ARHGAP15: variants seen among roughly 807,000 people sequenced by gnomAD.
The protein encoded by ARHGAP15 is rho GTPase-activating protein 15.
ARHGAP15 carries 51 observed loss-of-function variants against 63.7 expected under a neutral mutation model. That is an observed-to-expected ratio of 0.80 (90% CI 0.64 to 1.01). ARHGAP15 has a LOEUF of 1.01. Among genes scored for constraint, ARHGAP15 ranks in the 50% least tolerant of loss-of-function variants. The probability of loss-of-function intolerance (pLI) is 0.00; values close to 1 mark genes in which losing one functional copy is unlikely to be tolerated. For missense variants in ARHGAP15, 560 were observed against 564.6 expected (o/e 0.99, Z 0.08); for synonymous variants, 191 against 193.8 (o/e 0.99, Z 0.12).
chr2:143,148,233 AC>A lies in ARHGAP15; in HGVS notation c.-14-7242del, dbSNP rs769070302. ...TCATACAGCATCCAGGCCTCACATC[AC>A]CTCCACCCTAAAATCATCTCCAGTC... On this transcript the variant is annotated intron_variant, in intron 1 of 13. Transcript: ENST00000295095. Among the ~76,000 whole-genome samples the A allele has an allele frequency of 5.3e-5, 8 of 151,646 alleles. No individual in the cohort carries two copies. In the East Asian group the frequency reaches 1.6e-3, roughly 30 times the overall value.
intron 6 of ARHGAP15, among the ~76,000 whole-genome samples, chr2:143,333,580 C>A (rs772780211): frequency 1.3e-5 from 2 of 152,154 alleles, no homozygotes; most frequent in Non-Finnish European, 2.9e-5. Flanking sequence ...TTTGCTGAAA[C>A]TCAAAAGTAA....
intron 8 of ARHGAP15, among the ~76,000 whole-genome samples, chr2:143,461,901 G>C (rs1690960169): frequency 6.6e-6 from 1 of 152,158 alleles, no homozygotes; most frequent in South Asian, 2.1e-4. Context: ...TGCTGCTGTG[G>C]CTCATGCCTG....
chr2:143,453,470 G>GT (rs1690500483), intron 8 of ARHGAP15, among the ~76,000 whole-genome samples: 1 of 151,992 alleles, frequency 6.6e-6, no homozygotes, highest in African/African-American at 2.4e-5. Flanking sequence ...TTGGGAGAAT[G>GT]TAAGTACTCA....
intron 9 of ARHGAP15, among the ~76,000 whole-genome samples, chr2:143,497,229 C>T (rs1215158985): frequency 6.6e-6 from 1 of 152,116 alleles, no homozygotes; most frequent in Non-Finnish European, 1.5e-5. Flanking sequence ...CAACATTGCA[C>T]CAAAGTTGAT....
chr2:143,622,054 T>G (rs1698664797), intron 11 of ARHGAP15, among the ~76,000 whole-genome samples: 1 of 152,090 alleles, frequency 6.6e-6, no homozygotes, highest in Non-Finnish European at 1.5e-5. Flanking sequence ...CCACTTAAAG[T>G]TCAGTGCCAA....
chr2:143,167,388 G>A (rs1042350223), intron 2 of ARHGAP15, among the ~76,000 whole-genome samples: 2 of 152,064 alleles, frequency 1.3e-5, no homozygotes, highest in African/African-American at 4.8e-5. Context: ...AGACAAAATA[G>A]GCTCTACTGA....
intron 6 of ARHGAP15, among the ~76,000 whole-genome samples, chr2:143,328,695 G>T (rs1394029082): frequency 6.6e-6 from 1 of 152,098 alleles, no homozygotes; most frequent in Non-Finnish European, 1.5e-5. Flanking sequence ...TAACAAACCT[G>T]CACATTCTGC....
At chr2:143,262,561 C>CTTTTTTTTTTTTTTTTTTT (rs1553456078) in intron 6 of ARHGAP15, among the ~76,000 whole-genome samples, 17 of 70,704 alleles carry the variant, frequency 2.4e-4, no homozygotes, top group African/African-American at 7.3e-4. Context: ...TTTTTTTTTA[C>CTTTTTTTTTTTTTTTTTTT]TTTGTCACGC....
intron 12 of ARHGAP15, among the ~76,000 whole-genome samples, chr2:143,627,390 A>C (rs540987481): frequency 6.6e-6 from 1 of 152,280 alleles, no homozygotes; most frequent in South Asian, 2.1e-4. Context: ...TTGTGTTCTA[A>C]ACCTAGGAAA....
intron 9 of ARHGAP15, among the ~76,000 whole-genome samples, chr2:143,507,208 C>A (rs886644163): frequency 3.9e-5 from 6 of 152,074 alleles, no homozygotes; most frequent in African/African-American, 1.2e-4. Context: ...CTTCTTCATT[C>A]TCAATTAGTC....
chr2:143,553,642 T>C (rs930662082), intron 10 of ARHGAP15, among the ~76,000 whole-genome samples: 1 of 152,218 alleles, frequency 6.6e-6, no homozygotes, highest in African/African-American at 2.4e-5. Context: ...CTTTAAACAG[T>C]ATACTGCTTT....
At chr2:143,587,800 T>C (rs2105160944) in intron 11 of ARHGAP15, 1 of 467,384 alleles carries the variant, frequency 2.1e-6, no homozygotes, top group East Asian at 7.0e-5. Context: ...GCCAATAATT[T>C]GTCACTTCAT....
chr2:143,416,136 A>C (rs1388569270), intron 6 of ARHGAP15, among the ~76,000 whole-genome samples: 2 of 144,962 alleles, frequency 1.4e-5, no homozygotes, highest in East Asian at 3.9e-4. Flanking sequence ...ATAATAATTA[A>C]AAAAAAAAAA....
At chr2:143,393,033 T>C (rs1687601283) in intron 6 of ARHGAP15, among the ~76,000 whole-genome samples, 1 of 152,122 alleles carries the variant, frequency 6.6e-6, no homozygotes, top group Non-Finnish European at 1.5e-5. Flanking sequence ...CTTAGCTTTT[T>C]CCCCTCTTTT....
chr2:143,472,947 T>A (rs936933513), intron 8 of ARHGAP15, among the ~76,000 whole-genome samples: 8 of 152,160 alleles, frequency 5.3e-5, no homozygotes, highest in Non-Finnish European at 1.2e-4. Flanking sequence ...CCACCATACA[T>A]CTTGCTCTGA....
chr2:143,212,948 A>G (rs904011351), intron 3 of ARHGAP15, among the ~76,000 whole-genome samples: 1 of 152,210 alleles, frequency 6.6e-6, no homozygotes, highest in Non-Finnish European at 1.5e-5. Flanking sequence ...CTTTCAGTGC[A>G]GAAAGCATAA....
intron 2 of ARHGAP15, among the ~76,000 whole-genome samples, chr2:143,200,836 T>C (rs775265017): frequency 2.0e-5 from 3 of 152,074 alleles, no homozygotes; most frequent in Non-Finnish European, 4.4e-5. Context: ...GACAAGAGAC[T>C]TAATAGAATG....
chr2:143,611,083 G>A (rs560369063), intron 11 of ARHGAP15, among the ~76,000 whole-genome samples: 42 of 152,210 alleles, frequency 2.8e-4, no homozygotes, highest in African/African-American at 9.1e-4. Context: ...GCTGTATACC[G>A]TAATGGAATT....
At chr2:143,340,447 CTCTG>C (rs1005739548) in intron 6 of ARHGAP15, among the ~76,000 whole-genome samples, 36 of 151,842 alleles carry the variant, frequency 2.4e-4, no homozygotes, top group African/African-American at 8.2e-4. Flanking sequence ...TGAAGGTTTT[CTCTG>C]TCTTAGTGAT....
Sources: gnomAD v4.1 joint callset for allele counts (sites outside exome capture counted in the v4.1 genomes callset) on GRCh38, gnomAD v4.1.1 for gene constraint, MANE v1.5 for transcripts, NCBI Gene and HGNC (gene_info 2026-07-23, HGNC 2026-07-21) for gene names.